Variants in RAB11FIP4 observed in about 807,000 individuals in gnomAD.
RAB11FIP4 encodes rab11 family-interacting protein 4.
Under a neutral mutation model 74.3 loss-of-function variants are expected in RAB11FIP4, and 23 were observed. The ratio of observed to expected loss-of-function variants is 0.31; its 90% CI spans 0.22 to 0.44. The LOEUF (loss-of-function observed/expected upper bound fraction) is 0.44, where lower values mean the gene tolerates loss of function less well. Ranked by LOEUF, RAB11FIP4 falls within the 20% of genes least tolerant of loss-of-function variation. The pLI is 1.00. For missense variants in RAB11FIP4, 630 were observed against 863.9 expected, an observed-to-expected ratio of 0.73 and a Z score of 3.39; for synonymous variants, 360 against 359.9, an observed-to-expected ratio of 1.00 and a Z score of 0.00.
At chr17:31,411,363 C>CAAAA (rs1223760990) in intron 1 of RAB11FIP4, among the ~76,000 whole-genome samples, 4 of 152,204 alleles carry the variant, frequency 2.6e-5, no homozygotes, top group Admixed American at 2.6e-4. Context: ...GATTCCATCT[C>CAAAA]AAAAACAAAC....
intron 9 of RAB11FIP4, chr17:31,524,315 G>A (rs1006888686): frequency 1.3e-5 from 4 of 319,820 alleles, no homozygotes; most frequent in East Asian, 6.6e-5. Flanking sequence ...GGAGCCTGAC[G>A]TCCCTTCCTA....
chr17:31,463,844 TTCTC>T (rs2071657449), intron 3 of RAB11FIP4, among the ~76,000 whole-genome samples: 1 of 108,828 alleles, frequency 9.2e-6, no homozygotes, highest in Non-Finnish European at 1.8e-5. Context: ...GACAGAGTCT[TTCTC>T]TGTTGTCCAG....
At chr17:31,521,485 T>C (rs529802644) in intron 5 of RAB11FIP4, 125 bp downstream of exon 5, 6 of 859,460 alleles carry the variant, frequency 7.0e-6, no homozygotes, top group East Asian at 2.8e-5. Flanking sequence ...GCTACTTGAG[T>C]TCTGCTCCTG....
At chr17:31,456,501 T>A (rs1189349446) in intron 3 of RAB11FIP4, among the ~76,000 whole-genome samples, 1 of 152,218 alleles carries the variant, frequency 6.6e-6, no homozygotes, top group East Asian at 1.9e-4. Context: ...GCCACCCTGC[T>A]GGCCCCTAGT....
In RAB11FIP4 at chr17:31,522,423, T is replaced by C. The variant is rs952627234; in HGVS notation, c.929+28T>C. ...AAGGCCCGCCTCGAGGGAGGGCAAA[T>C]TGAGTGCTGTCCCCATGCTGCCCAC... On this transcript the variant is annotated intron_variant, in intron 7 of 14. Coordinates refer to ENST00000621161, the MANE Select transcript of RAB11FIP4 (RefSeq NM_032932.6). 2.5e-6 allele frequency: 4 copies of C among 1,609,534 alleles called. No homozygotes were observed. The East Asian group carries it at 6.7e-5, about 27-fold the overall frequency.
At position 31,392,185 on chromosome 17, in the gene RAB11FIP4, C is replaced by G. The variant is rs1041975482; in HGVS notation, c.159+174C>G. 21 of 463,728 alleles carry G rather than the reference C, an allele frequency of 4.5e-5. No homozygotes were observed. In the Admixed American group the frequency reaches 5.1e-4, roughly 11 times the overall value. The allele number at this position is 463,728 out of a possible 1,614,324, so 28.7% of individuals were successfully genotyped here. A position where few individuals can be genotyped will look rare whatever the true frequency, so the allele number is the denominator to read the frequency against. Reference sequence around the variant, plus strand: ...CCCCCCCGGGTATCCCTGGCCCAGCCGGGCCCTCGCTTTCCGCCCCCCGGC... The same window carrying G: ...CCCCCCCGGGTATCCCTGGCCCAGCGGGGCCCTCGCTTTCCGCCCCCCGGC... On this transcript the variant is annotated intron_variant, in intron 1 of 14. Transcript: ENST00000621161.
intron 3 of RAB11FIP4, among the ~76,000 whole-genome samples, chr17:31,482,610 A>G (rs927773036): frequency 8.2e-5 from 12 of 145,876 alleles, no homozygotes; most frequent in Non-Finnish European, 1.0e-4. Flanking sequence ...GAAAAAAAAA[A>G]GAAAAGAAAA....
intron 3 of RAB11FIP4, among the ~76,000 whole-genome samples, chr17:31,497,237 G>A (rs766945186): frequency 3.3e-5 from 5 of 152,074 alleles, no homozygotes; most frequent in Non-Finnish European, 4.4e-5. Context: ...GGTGGCAGGC[G>A]CCTGTAATCC....
intron 3 of RAB11FIP4, among the ~76,000 whole-genome samples, chr17:31,445,647 G>A (rs1200663186): frequency 9.4e-5 from 13 of 138,016 alleles, no homozygotes; most frequent in African/African-American, 2.7e-4. Context: ...GTGCAATGGC[G>A]TGATCTCCGC....
chr17:31,530,018 G>A (rs1015023408), intron 13 of RAB11FIP4, among the ~76,000 whole-genome samples: 4 of 152,192 alleles, frequency 2.6e-5, no homozygotes, highest in Admixed American at 2.0e-4. Flanking sequence ...CTGGGTGGGT[G>A]ATGTCCCTAT....
At position 31,536,314 on chromosome 17, in the gene RAB11FIP4, G is replaced by T. The variant is rs1379281505; in HGVS notation, c.*4582G>T. ...GTTCGAGACCAGCCTGGACAACATG[G>T]TGAAACTCTTGTCTTTATTTTTTTA... is the stretch of plus-strand genomic sequence containing the variant. On this transcript the variant is annotated 3_prime_UTR_variant, in exon 15 of 15. Coordinates refer to ENST00000621161, the MANE Select transcript of RAB11FIP4 (RefSeq NM_032932.6). The T allele has an allele frequency of 6.6e-6, 1 of 152,156 alleles. No individual in the cohort carries two copies. The highest frequency in any genetic ancestry group is 1.9e-4 in the East Asian group (1 of 5,204). 9.4% of individuals were successfully genotyped at this position (152,156 alleles called of 1,614,324 possible).
chr17:31,537,474 G>GCTTCTCCC lies in RAB11FIP4; in HGVS notation c.*5743_*5750dup, dbSNP rs143486488. ...GAAAAGGGCAACTTTGTGTAAAGCA[G>GCTTCTCCC]CTTCTCCCACAGAGCTTTCCCTGCA... is the stretch of plus-strand genomic sequence containing the variant. On this transcript the variant is annotated 3_prime_UTR_variant, in exon 15 of 15. Transcript: ENST00000621161. The GCTTCTCCC allele has an allele frequency of 0.049, 17,350 of 351,612 alleles. 602 individuals carry two copies. Among genetic ancestry groups the GCTTCTCCC allele is most frequent in the Non-Finnish European group, 0.058 (11,425 of 195,798 alleles). The allele number at this position is 351,612 out of a possible 1,614,324, so 21.8% of individuals were successfully genotyped here.
intron 3 of RAB11FIP4, among the ~76,000 whole-genome samples, chr17:31,485,828 C>T (rs2071895008): frequency 6.6e-6 from 1 of 152,190 alleles, no homozygotes; most frequent in African/African-American, 2.4e-5. Context: ...AGAGAAGTAA[C>T]AGAACTTGTC....
chr17:31,533,440 TGGGCTCCCCCA>T lies in RAB11FIP4; in HGVS notation c.*1709_*1719del, dbSNP rs1324491315. On this transcript the variant is annotated 3_prime_UTR_variant, in exon 15 of 15. Transcript: ENST00000621161. ...CAGCCCCTTAGGACGCGGGTCTCCT[TGGGCTCCCCCA>T]AGGGTTCTGCGAAGAGGCAGTGGAA... The T allele has an allele frequency of 6.6e-6, 1 of 152,156 alleles. No homozygotes were observed. The highest frequency in any genetic ancestry group is 1.5e-5 in the Non-Finnish European group (1 of 68,030). The allele number at this position is 152,156 out of a possible 1,614,324, so 9.4% of individuals were successfully genotyped here.
intron 3 of RAB11FIP4, among the ~76,000 whole-genome samples, chr17:31,449,227 A>G (rs994522722): frequency 1.3e-5 from 2 of 151,576 alleles, no homozygotes; most frequent in African/African-American, 4.8e-5. Context: ...CCAGCTCCTC[A>G]CCCGCACACC....
rs544421443 is a variant in RAB11FIP4 at position 31,528,026 on chromosome 17, CA to C, written c.1356+110del. On this transcript the variant is annotated intron_variant, in intron 11 of 14. Transcript: ENST00000621161. ...CAAATGCCGCACCCCCTAAGAAATG[CA>C]AAAAAAGTGAATAACAACTTGTGTT... 6.6e-5 allele frequency: 56 copies of C among 848,044 alleles called. No individual in the cohort carries two copies. In the Middle Eastern group the frequency reaches 1.1e-3, roughly 16 times the overall value. The allele number at this position is 848,044 out of a possible 1,614,324, so 52.5% of individuals were successfully genotyped here.
Position 31,424,839 on chromosome 17 carries a change from A to G in RAB11FIP4, c.160-6974A>G, listed in dbSNP as rs542731674. On this transcript the variant is annotated intron_variant, in intron 1 of 14. Transcript: ENST00000621161. ...TGATTCACCCATCTCGGCCTCCCAA[A>G]GTGCTGGGATTACAGGTATGAGCCA... 4.6e-5 allele frequency among the ~76,000 whole-genome samples: 7 copies of G among 152,162 alleles called. No individual in the cohort carries two copies. The East Asian group carries it at 1.3e-3, about 29-fold the overall frequency.
intron 10 of RAB11FIP4, chr17:31,525,496 T>C: frequency 2.1e-6 from 1 of 484,426 alleles, no homozygotes; most frequent in Non-Finnish European, 3.6e-6. Flanking sequence ...GAAAAGGGCC[T>C]GGGCTGGGTC....
At position 31,430,511 on chromosome 17, in the gene RAB11FIP4, C is replaced by T. The variant is rs1393197755; in HGVS notation, c.160-1302C>T. 6.0e-5 allele frequency among the ~76,000 whole-genome samples: 9 copies of T among 149,872 alleles called. No homozygotes were observed. The East Asian group carries it at 1.7e-3, about 27-fold the overall frequency. On this transcript the variant is annotated intron_variant, in intron 1 of 14. Coordinates refer to ENST00000621161, the MANE Select transcript of RAB11FIP4 (RefSeq NM_032932.6). ...TAGCTAGGACTACAGGCGCCCGCCA[C>T]GACGCCCGGCTAATTTTTTTTGTAT... is the stretch of plus-strand genomic sequence containing the variant.
Sources: allele counts gnomAD v4.1 joint callset (sites outside exome capture counted in the v4.1 genomes callset), GRCh38; gene constraint gnomAD v4.1.1; transcripts MANE v1.5; gene names NCBI Gene and HGNC (gene_info 2026-07-23, HGNC 2026-07-21).